Variants in CHM observed in about 807,000 individuals in gnomAD.
CHM encodes the protein rab proteins geranylgeranyltransferase component A 1.
CHM carries 10 observed loss-of-function variants against 49.0 expected under a neutral mutation model. The ratio of observed to expected loss-of-function variants is 0.20; its 90% CI spans 0.13 to 0.35. CHM has a LOEUF of 0.35. Ranked by LOEUF, CHM falls within the 10% of genes least tolerant of loss-of-function variation. The pLI is 1.00. For missense variants in CHM, 455 were observed against 478.4 expected (o/e 0.95, Z 0.46); for synonymous variants, 184 against 167.5 (o/e 1.10, Z -0.76).
In CHM at chrX:85,900,784, G is replaced by A. The variant is rs1926222675; in HGVS notation, c.1350-75C>T. On this transcript the variant is annotated intron_variant, in intron 10 of 14. Transcript: ENST00000357749. ...TTCGTTTATAGTTATATAACCACCAGAAGGCACGTTTCAAAGATTTAAGTC... is the reference window on the plus strand; with the variant it reads ...TTCGTTTATAGTTATATAACCACCAAAAGGCACGTTTCAAAGATTTAAGTC... 8 of 738,399 alleles carry A rather than the reference G, an allele frequency of 1.1e-5. No individual in the cohort carries two copies. The Admixed American group carries it at 2.0e-4, about 18-fold the overall frequency. The allele number at this position is 738,399 out of a possible 1,213,427, so 60.9% of individuals were successfully genotyped here. A position where few individuals can be genotyped will look rare whatever the true frequency, so the allele number is the denominator to read the frequency against.
chrX:85,880,870 C>A (rs760774823), intron 12 of CHM, among the ~76,000 whole-genome samples: 6 of 111,311 alleles, frequency 5.4e-5, no homozygotes, highest in African/African-American at 2.0e-4. Flanking sequence ...TACTTTTTCC[C>A]CTTACCGTTC....
At position 85,972,224 on chromosome X, in the gene CHM, T is replaced by C. The variant is rs1184477880; in HGVS notation, c.314+6543A>G. Reference sequence around the variant, plus strand: ...GCTAGACACAGGGTGCTGATTGGTGTATTTACAATCCCTGAGCTAGATATA... The same window carrying C: ...GCTAGACACAGGGTGCTGATTGGTGCATTTACAATCCCTGAGCTAGATATA... On this transcript the variant is annotated intron_variant, in intron 4 of 14. Coordinates refer to ENST00000357749, the MANE Select transcript of CHM (RefSeq NM_000390.4). Among the ~76,000 whole-genome samples the C allele has an allele frequency of 3.6e-5, 4 of 112,352 alleles. No homozygotes were observed. In the Admixed American group the frequency reaches 3.7e-4, roughly 10 times the overall value.
chrX:85,969,319 A>C (rs1930756807), intron 4 of CHM: 1 of 742,538 alleles, frequency 1.3e-6, no homozygotes, highest in East Asian at 1.5e-4. Flanking sequence ...TATGCAATTA[A>C]CAAGCAACGA....
At chrX:85,961,617 AAC>A (rs1256858419) in intron 5 of CHM, among the ~76,000 whole-genome samples, 1 of 69,797 alleles carries the variant, frequency 1.4e-5, no homozygotes, top group Non-Finnish European at 3.1e-5. Flanking sequence ...TAAATGACTT[AAC>A]ATTTTAAAAA....
rs1380114938 is a variant in CHM at position 85,862,905 on chromosome X, T to C, written c.*1725A>G. On this transcript the variant is annotated 3_prime_UTR_variant, in exon 15 of 15. Coordinates refer to ENST00000357749, the MANE Select transcript of CHM (RefSeq NM_000390.4). ...TGTACTTTACATTGGAGCCATGGCT[T>C]CCTGACAGACAATATAGGCCAGATG... is the stretch of plus-strand genomic sequence containing the variant. 1.8e-4 allele frequency: 20 copies of C among 111,082 alleles called. No homozygotes were observed. The Admixed American group carries it at 1.9e-3, about 11-fold the overall frequency. 9.2% of individuals were successfully genotyped at this position (111,082 alleles called of 1,213,427 possible).
chrX:85,879,014 T>C lies in CHM; in HGVS notation c.1560A>G (p.Leu520=). The change falls in exon 13 of 15, where the codon TTA becomes TTG. Residue 520 remains leucine, a synonymous_variant. Coordinates refer to ENST00000357749, the MANE Select transcript of CHM (RefSeq NM_000390.4). ...CAAACAATTTCTGCACAACTGATTCTAAATCTTCTCTTGCTGTTTTAGAAG... is the reference window on the plus strand; with the variant it reads ...CAAACAATTTCTGCACAACTGATTCCAAATCTTCTCTTGCTGTTTTAGAAG... ...CTSSKTARED[L]ESVVQKLFVP... The C allele has an allele frequency of 1.7e-6, 2 of 1,206,173 alleles. No homozygotes were observed. The highest frequency in any genetic ancestry group is 2.2e-6 in the Non-Finnish European group (2 of 891,491).
intron 11 of CHM, among the ~76,000 whole-genome samples, chrX:85,894,990 T>C (rs1230733464): frequency 9.0e-6 from 1 of 111,561 alleles, no homozygotes; most frequent in Non-Finnish European, 1.9e-5. Flanking sequence ...TTAATAAAAC[T>C]AGAAATTCAG....
intron 8 of CHM, among the ~76,000 whole-genome samples, chrX:85,942,953 T>G (rs1234950197): frequency 3.4e-5 from 3 of 88,836 alleles, no homozygotes; most frequent in Non-Finnish European, 6.4e-5. Context: ...ATGTTCCCCT[T>G]CCTGTGTCCC....
intron 9 of CHM, among the ~76,000 whole-genome samples, chrX:85,910,045 A>G (rs908227267): frequency 2.7e-5 from 3 of 111,797 alleles, no homozygotes; most frequent in Admixed American, 9.5e-5. Flanking sequence ...CTATCCTTCT[A>G]TAAAAGTGCT....
At chrX:85,939,500 G>A (rs749815428) in intron 8 of CHM, among the ~76,000 whole-genome samples, 2 of 112,161 alleles carry the variant, frequency 1.8e-5, no homozygotes, top group South Asian at 7.4e-4. Flanking sequence ...AGACAATACA[G>A]CCATCTAAAT....
At chrX:86,010,998 A>T (rs1933048950) in intron 2 of CHM, among the ~76,000 whole-genome samples, 2 of 111,653 alleles carry the variant, frequency 1.8e-5, no homozygotes, top group African/African-American at 6.5e-5. Flanking sequence ...CCTTTATACT[A>T]GGCAACTGTA....
intron 8 of CHM, among the ~76,000 whole-genome samples, chrX:85,920,668 G>T (rs1488258454): frequency 8.9e-6 from 1 of 112,158 alleles, no homozygotes; most frequent in African/African-American, 3.2e-5. Flanking sequence ...ATAAGCCAGG[G>T]TTTCACAGAT....
chrX:86,011,182 G>A (rs1933057981), intron 2 of CHM, among the ~76,000 whole-genome samples: 1 of 111,290 alleles, frequency 9.0e-6, no homozygotes, highest in African/African-American at 3.3e-5. Context: ...GAGTCTAATA[G>A]GGCCAACAGA....
At chrX:86,005,958 A>G (rs1932843273) in intron 2 of CHM, among the ~76,000 whole-genome samples, 1 of 111,710 alleles carries the variant, frequency 9.0e-6, no homozygotes, top group African/African-American at 3.3e-5. Context: ...GAGACACAAC[A>G]AGAAAAGAGA....
chrX:85,898,394 C>A (rs981471333), intron 11 of CHM, among the ~76,000 whole-genome samples: 1 of 111,990 alleles, frequency 8.9e-6, no homozygotes, highest in African/African-American at 3.2e-5. Context: ...TTAGCCTCCC[C>A]AGCCTTTGCC....
chrX:86,046,869 G>A (rs1934668261), intron 1 of CHM, among the ~76,000 whole-genome samples: 1 of 111,496 alleles, frequency 9.0e-6, no homozygotes, highest in Non-Finnish European at 1.9e-5. Flanking sequence ...AAAGCAAGAT[G>A]CTTTAAGCAC....
At position 85,901,065 on chromosome X, in the gene CHM, T is replaced by C. The variant is rs1422968096; in HGVS notation, c.1349+19A>G. The C allele has an allele frequency of 9.3e-7, 1 of 1,074,943 alleles. No homozygotes were observed. The highest frequency in any genetic ancestry group is 1.8e-5 in the African/African-American group (1 of 54,503). The allele number at this position is 1,074,943 out of a possible 1,213,427, so 88.6% of individuals were successfully genotyped here. ...CAATAAAATTACCTTCGCTTGCTAA[T>C]GGGTGGAGGGGGCCTTACCTGTATT... On this transcript the variant is annotated intron_variant, in intron 10 of 14. Transcript: ENST00000357749.
At position 85,952,635 on chromosome X, in the gene CHM, T is replaced by C. The variant is rs189312594; in HGVS notation, c.1166+3518A>G. ...CTGGCTTCAGGTGAGACCCAGTACA[T>C]TCCCAGCTGTGGTATCTATGGCAAA... On this transcript the variant is annotated intron_variant, in intron 8 of 14. Coordinates refer to ENST00000357749, the MANE Select transcript of CHM (RefSeq NM_000390.4). Among the ~76,000 whole-genome samples, 13 of 112,383 alleles carry C rather than the reference T, an allele frequency of 1.2e-4. No individual in the cohort carries two copies. The East Asian group carries it at 3.7e-3, about 32-fold the overall frequency.
At chrX:86,031,754 C>A (rs982755075) in intron 1 of CHM, among the ~76,000 whole-genome samples, 1 of 111,738 alleles carries the variant, frequency 8.9e-6, no homozygotes, top group Non-Finnish European at 1.9e-5. Flanking sequence ...GCAGGAGAAT[C>A]GCTTGAACCC....
Sources: allele counts gnomAD v4.1 joint callset (sites outside exome capture counted in the v4.1 genomes callset), GRCh38; gene constraint gnomAD v4.1.1; transcripts MANE v1.5; gene names NCBI Gene and HGNC (gene_info 2026-07-23, HGNC 2026-07-21).